The following ZNF555 variants were observed in gnomAD, a reference collection of about 807,000 sequenced individuals.
The protein encoded by ZNF555 is zinc finger protein 555.
ZNF555 carries 10 observed loss-of-function variants against 14.0 expected under a neutral mutation model. That is an observed-to-expected ratio of 0.72 (90% CI 0.44 to 1.21). The LOEUF is 1.21. ZNF555 is among the 50% of genes most tolerant of loss of function. The probability of loss-of-function intolerance (pLI) is 0.00; values close to 1 mark genes in which losing one functional copy is unlikely to be tolerated. For missense variants in ZNF555, 747 were observed against 762.0 expected (o/e 0.98, Z 0.23); for synonymous variants, 277 against 262.4 (o/e 1.06, Z -0.54).
chr19:2,844,720 A>T (rs79139842), intron 1 of ZNF555, among the ~76,000 whole-genome samples: 7,980 of 152,312 alleles, frequency 0.052, 350 homozygotes, highest in East Asian at 0.2. Flanking sequence ...AGGCTAGCTT[A>T]TGCCAGCCAA....
chr19:2,854,000 T>C lies in ZNF555; in HGVS notation c.*48T>C, dbSNP rs1182749766. The C allele has an allele frequency of 6.3e-7, 1 of 1,595,980 alleles. No individual in the cohort carries two copies. The highest frequency in any genetic ancestry group is 8.5e-7 in the Non-Finnish European group (1 of 1,173,428). On this transcript the variant is annotated 3_prime_UTR_variant, in exon 4 of 4. Coordinates refer to ENST00000334241, the MANE Select transcript of ZNF555 (RefSeq NM_152791.5). ...ACTCAAGGAGTGTGTCTGTAGTTCA[T>C]TTGCAAATAAACATTTAGTTGAAAA...
Position 2,852,266 on chromosome 19 carries a change from C to T in ZNF555, c.315-114C>T. 3 of 1,282,472 alleles carry T rather than the reference C, an allele frequency of 2.3e-6. No individual in the cohort carries two copies. The South Asian group carries it at 4.1e-5, about 18-fold the overall frequency. 79.4% of individuals were successfully genotyped at this position (1,282,472 alleles called of 1,614,324 possible). ...AGTTTATTTCATTTTCAGACAGTTC[C>T]CATGGGGTGAAAAACCTATGCTTTC... On this transcript the variant is annotated intron_variant, in intron 3 of 3. Coordinates refer to ENST00000334241, the MANE Select transcript of ZNF555 (RefSeq NM_152791.5).
rs199674173 is a variant in ZNF555 at position 2,852,505 on chromosome 19, C to G, written c.440C>G (p.Thr147Arg). The part of the protein sequence containing the change: ...PPGVKQYEYN[T>R]YGKVFMHRRT... ...GGAGTAAAACAGTATGAATACAACA[C>G]GTACGGAAAAGTCTTCATGCATCGC... The change falls in exon 4 of 4, where the codon ACG (threonine) becomes AGG (arginine). Residue 147 changes from threonine (T) to arginine (R), a missense_variant. Physicochemically the swap from Thr to Arg is moderately conservative, Grantham distance 71 (BLOSUM62 -1). Coordinates refer to ENST00000334241, the MANE Select transcript of ZNF555 (RefSeq NM_152791.5). 6.2e-7 allele frequency: 1 copy of G among 1,614,030 alleles called. No homozygotes were observed. The highest frequency in any genetic ancestry group is 1.7e-5 in the Admixed American group (1 of 60,010).
Position 2,853,112 on chromosome 19 carries a change from C to G in ZNF555, c.1047C>G (p.Phe349Leu). Residue 349 changes from phenylalanine to leucine, a missense_variant, in exon 4 of 4, where the codon TTC (phenylalanine) becomes TTG (leucine). Phe to Leu is a conservative substitution (Grantham distance 22). Coordinates refer to ENST00000334241, the MANE Select transcript of ZNF555 (RefSeq NM_152791.5). ...AATGCAAACAATGTGGGAAAACCTT[C>G]ATTTATCTCCAGTCCTTTCGAAGAC... ...PYECKQCGKT[F>L]IYLQSFRRHE... 2 of 1,614,136 alleles carry G rather than the reference C, an allele frequency of 1.2e-6. No individual in the cohort carries two copies. The highest frequency in any genetic ancestry group is 2.7e-5 in the African/African-American group (2 of 75,038).
rs530985209 is a variant in ZNF555, at chr19:2,854,225, G to A, written c.*273G>A. ...TAGTGTGACAGGTATTGGATATTAC[G>A]TATCTATTATATTTTCCACCTTTTT... is the stretch of plus-strand genomic sequence containing the variant. On this transcript the variant is annotated 3_prime_UTR_variant, in exon 4 of 4. Transcript: ENST00000334241. 15 of 388,228 alleles carry A rather than the reference G, an allele frequency of 3.9e-5. No homozygotes were observed. The highest frequency in any genetic ancestry group is 1.1e-4 in the African/African-American group (5 of 47,132). The allele number at this position is 388,228 out of a possible 1,614,324, so 24.0% of individuals were successfully genotyped here. A position where few individuals can be genotyped will look rare whatever the true frequency, so the allele number is the denominator to read the frequency against.
rs777895255 is a variant in ZNF555, at chr19:2,853,867, C to G, written c.1802C>G (p.Ala601Gly). ...AAGTGTAATGTAGGACATCCTCCTG[C>G]AAATGAATTCATGTGCAGTGCTTCA... ...QYKCNVGHPPANEFMCSASEK... is the reference protein window; with the variant it reads ...QYKCNVGHPPGNEFMCSASEK... Residue 601 changes from alanine to glycine, a missense_variant, in exon 4 of 4, where the codon GCA (alanine) becomes GGA (glycine). Coordinates refer to ENST00000334241, the MANE Select transcript of ZNF555 (RefSeq NM_152791.5). 3 of 1,613,930 alleles carry G rather than the reference C, an allele frequency of 1.9e-6. No individual in the cohort carries two copies. The Admixed American group carries it at 5.0e-5, about 27-fold the overall frequency.
At position 2,860,168 on chromosome 19, in the gene ZNF555, T is replaced by G. The variant is rs10418996; in HGVS notation, c.*6216T>G. 123,117 of 152,144 alleles carry G rather than the reference T, an allele frequency of 0.81. 50,507 individuals are homozygous for G. Among genetic ancestry groups the G allele is most frequent in the East Asian group, 1 (5,174 of 5,178 alleles). The allele number at this position is 152,144 out of a possible 1,614,324, so 9.4% of individuals were successfully genotyped here. ...TTACTACCTCTGGGACTCTCATCTC[T>G]TGAGTGTGCTTGGGTGTGTCCAACC... On this transcript the variant is annotated 3_prime_UTR_variant, in exon 4 of 4. Coordinates refer to ENST00000334241, the MANE Select transcript of ZNF555 (RefSeq NM_152791.5).
At position 2,851,639 on chromosome 19, in the gene ZNF555, G is replaced by A; in HGVS notation, c.302G>A (p.Gly101Glu). ...ATCGAAGATCAAACCACAAACCAGG[G>A]GAGAAATCTCAGGTGAGTTGCACTC... ...LSIEDQTTNQ[G>E]RNLSRNHGLE... The change falls in exon 3 of 4, where the codon GGG becomes GAG. Residue 101 changes from glycine (G) to glutamate (E), a missense_variant. Physicochemically the swap from Gly to Glu is moderately conservative, Grantham distance 98 (BLOSUM62 -2). Transcript: ENST00000334241. 3 of 1,580,694 alleles carry A rather than the reference G, an allele frequency of 1.9e-6. No individual in the cohort carries two copies. Among genetic ancestry groups the A allele is most frequent in the Non-Finnish European group, 2.6e-6 (3 of 1,167,426 alleles).
rs963185852 is a variant in ZNF555, at chr19:2,841,547, C to G, written c.-26C>G. The G allele has an allele frequency of 1.3e-6, 2 of 1,544,062 alleles. No homozygotes were observed. The highest frequency in any genetic ancestry group is 2.5e-5 in the East Asian group (1 of 39,708). The stretch of plus-strand genomic sequence containing the variant: ...CGGTTCCTGTCGCGCTCACCTGCGC[C>G]GGTAGCGAAGAAATCGCCCCGGGAC... On this transcript the variant is annotated 5_prime_UTR_variant, in exon 1 of 4. Transcript: ENST00000334241.
chr19:2,853,068 A>G lies in ZNF555; in HGVS notation c.1003A>G (p.Thr335Ala). The change falls in exon 4 of 4, where the codon ACT (threonine) becomes GCT (alanine). Residue 335 changes from threonine (T) to alanine (A), a missense_variant. Transcript: ENST00000334241. ...TTTTCGAAGACACATGATAACACAC[A>G]CTGGAGAGAAACCCTACGAATGCAA... Reference protein sequence around the residue: ...SAFRRHMITHTGEKPYECKQC... With the variant: ...SAFRRHMITHAGEKPYECKQC... 5 of 1,614,186 alleles carry G rather than the reference A, an allele frequency of 3.1e-6. No individual in the cohort carries two copies. The highest frequency in any genetic ancestry group is 4.2e-6 in the Non-Finnish European group (5 of 1,180,024).
rs2144858829 is a variant in ZNF555 at position 2,854,057 on chromosome 19, A to G, written c.*105A>G. On this transcript the variant is annotated 3_prime_UTR_variant, in exon 4 of 4. Transcript: ENST00000334241. ...CTCCAAATACTCTCAGCTATCCTACATGAATTTGAACAGGTAGTTTCTTAC... is the reference window on the plus strand; with the variant it reads ...CTCCAAATACTCTCAGCTATCCTACGTGAATTTGAACAGGTAGTTTCTTAC... 2 of 1,400,650 alleles carry G rather than the reference A, an allele frequency of 1.4e-6. No homozygotes were observed. Among genetic ancestry groups the G allele is most frequent in the South Asian group, 1.4e-5 (1 of 73,676 alleles). The allele number at this position is 1,400,650 out of a possible 1,614,324, so 86.8% of individuals were successfully genotyped here. A position where few individuals can be genotyped will look rare whatever the true frequency, so the allele number is the denominator to read the frequency against.
rs2087668982 is a variant in ZNF555, at chr19:2,854,680, G to A, written c.*728G>A. On this transcript the variant is annotated 3_prime_UTR_variant, in exon 4 of 4. Coordinates refer to ENST00000334241, the MANE Select transcript of ZNF555 (RefSeq NM_152791.5). ...GGGGCTTTGTGAACATCAACCTTCA[G>A]CTTATTTTCCAGATTCTTATTCCTG... The A allele has an allele frequency of 6.6e-6, 1 of 152,224 alleles. No individual in the cohort carries two copies. Among genetic ancestry groups the A allele is most frequent in the African/African-American group, 2.4e-5 (1 of 41,446 alleles). 9.4% of individuals were successfully genotyped at this position (152,224 alleles called of 1,614,324 possible).
rs1270993339 is a variant in ZNF555, at chr19:2,853,989, T to C, written c.*37T>C. 6.2e-7 allele frequency: 1 copy of C among 1,600,494 alleles called. No homozygotes were observed. Among genetic ancestry groups the C allele is most frequent in the African/African-American group, 1.3e-5 (1 of 74,422 alleles). On this transcript the variant is annotated 3_prime_UTR_variant, in exon 4 of 4. Coordinates refer to ENST00000334241, the MANE Select transcript of ZNF555 (RefSeq NM_152791.5). ...TGAAAGTGGACACTCAAGGAGTGTG[T>C]CTGTAGTTCATTTGCAAATAAACAT...
At position 2,852,709 on chromosome 19, in the gene ZNF555, T is replaced by G; in HGVS notation, c.644T>G (p.Leu215Arg). Reference protein sequence around the residue: ...CGKTFPRTSSLNRHVRIHTAE... With the variant: ...CGKTFPRTSSRNRHVRIHTAE... ...AAAACCTTTCCTCGTACTTCCTCCC[T>G]CAATCGGCATGTAAGGATTCACACT... The change falls in exon 4 of 4, where the codon CTC becomes CGC. Residue 215 changes from leucine (L) to arginine (R), a missense_variant. Physicochemically the swap from Leu to Arg is moderately radical, Grantham distance 102 (BLOSUM62 -2). Transcript: ENST00000334241. The G allele has an allele frequency of 6.2e-7, 1 of 1,614,162 alleles. No homozygotes were observed. The highest frequency in any genetic ancestry group is 1.3e-5 in the African/African-American group (1 of 75,038).
Position 2,853,629 on chromosome 19 carries a change from C to A in ZNF555, c.1564C>A (p.Leu522Ile). ...QCGKAFSWPE[L>I]LQQHVRTHTV... Reference sequence around the variant, plus strand: ...TGGGAAAGCTTTCAGTTGGCCTGAACTTTTGCAACAACATGTGAGAACGCA... The same window carrying A: ...TGGGAAAGCTTTCAGTTGGCCTGAAATTTTGCAACAACATGTGAGAACGCA... Residue 522 changes from leucine (L) to isoleucine (I), a missense_variant, in exon 4 of 4, where the codon CTT becomes ATT. Physicochemically the swap from Leu to Ile is conservative, Grantham distance 5. Transcript: ENST00000334241. 1.2e-6 allele frequency: 2 copies of A among 1,604,196 alleles called. No individual in the cohort carries two copies. The highest frequency in any genetic ancestry group is 1.7e-6 in the Non-Finnish European group (2 of 1,175,126).
chr19:2,851,334 A>C, intron 2 of ZNF555, 134 bp from the exon 3 acceptor site: 1 of 672,330 alleles, frequency 1.5e-6, no homozygotes, highest in East Asian at 3.0e-5. Context: ...ATGCTTACTA[A>C]TACTGTGTTG....
chr19:2,853,871 T>G lies in ZNF555; in HGVS notation c.1806T>G (p.Asn602Lys). 1 of 1,614,064 alleles carries G rather than the reference T, an allele frequency of 6.2e-7. No homozygotes were observed. Among genetic ancestry groups the G allele is most frequent in the Non-Finnish European group, 8.5e-7 (1 of 1,180,018 alleles). The change falls in exon 4 of 4, where the codon AAT becomes AAG. Residue 602 changes from asparagine (N) to lysine (K), a missense_variant. By Grantham distance (94) the Asn-to-Lys change is moderately conservative (BLOSUM62 0). Transcript: ENST00000334241. ...GTAATGTAGGACATCCTCCTGCAAA[T>G]GAATTCATGTGCAGTGCTTCAGAAA... ...YKCNVGHPPA[N>K]EFMCSASEKS...
rs2087682447 is a variant in ZNF555, at chr19:2,856,254, G to C, written c.*2302G>C. On this transcript the variant is annotated 3_prime_UTR_variant, in exon 4 of 4. Transcript: ENST00000334241. ...GAGTCTCGCTCTGTCACCCAGGCTG[G>C]AGTGCAGTGGCACGACCTTAGCTCA... The C allele has an allele frequency of 6.6e-6, 1 of 151,552 alleles. No homozygotes were observed. The highest frequency in any genetic ancestry group is 2.4e-5 in the African/African-American group (1 of 41,158). 9.4% of individuals were successfully genotyped at this position (151,552 alleles called of 1,614,324 possible). A position where few individuals can be genotyped will look rare whatever the true frequency, so the allele number is the denominator to read the frequency against.
At chr19:2,842,625 G>A (rs1836278474) in intron 1 of ZNF555, among the ~76,000 whole-genome samples, 1 of 152,210 alleles carries the variant, frequency 6.6e-6, no homozygotes. Flanking sequence ...GAGGGCGTCC[G>A]TCGTGGTAGC....
Sources: allele counts gnomAD v4.1 joint callset (sites outside exome capture counted in the v4.1 genomes callset), GRCh38; gene constraint gnomAD v4.1.1; transcripts MANE v1.5; gene names NCBI Gene and HGNC (gene_info 2026-07-23, HGNC 2026-07-21).